The following ASTN1 variants were observed in gnomAD, a reference collection of about 807,000 sequenced individuals.
The protein encoded by ASTN1 is astrotactin-1.
Under a neutral mutation model 140.7 loss-of-function variants are expected in ASTN1, and 41 were observed. The observed-to-expected ratio is 0.29, with a 90% CI of 0.23 to 0.38. ASTN1 has a LOEUF of 0.38. ASTN1 is among the 10% of genes least tolerant of loss of function. The pLI, the probability that ASTN1 is intolerant of heterozygous loss-of-function variation, is 1.00. For missense variants in ASTN1, 1,479 were observed against 1,678.8 expected (o/e 0.88, Z 2.08); for synonymous variants, 640 against 652.2 (o/e 0.98, Z 0.29).
chr1:177,015,065 T>C (rs1675481357), intron 7 of ASTN1, among the ~76,000 whole-genome samples, 190 bp from the exon 8 acceptor site: 4 of 152,112 alleles, frequency 2.6e-5, no homozygotes, highest in Non-Finnish European at 5.9e-5. Context: ...CTCCAACCAA[T>C]CTCTCCCTTC....
chr1:177,141,187 G>A (rs1005693007), intron 1 of ASTN1, among the ~76,000 whole-genome samples: 1 of 152,140 alleles, frequency 6.6e-6, no homozygotes, highest in Non-Finnish European at 1.5e-5. Context: ...TTGCACTCCA[G>A]CCTGGGCAAA....
In ASTN1 at chr1:176,894,599, G is replaced by C. The variant is rs778903906; in HGVS notation, c.2903C>G (p.Pro968Arg). The C allele has an allele frequency of 6.2e-7, 1 of 1,614,064 alleles. No homozygotes were observed. The highest frequency in any genetic ancestry group is 1.1e-5 in the South Asian group (1 of 91,082). Reference protein sequence around the residue: ...PVLLEVTKAAPIYELVTNNQT... With the variant: ...PVLLEVTKAARIYELVTNNQT... ...GTTGTTGGTCACTAGTTCATAGATG[G>C]GGGCTGCTTTGGTCACCTCCAGCAG... The change falls in exon 17 of 23, where the codon CCC becomes CGC. Residue 968 changes from proline (P) to arginine (R), a missense_variant. By Grantham distance (103) the Pro-to-Arg change is moderately radical. Around this residue, in one of 3 missense-constraint regions of ASTN1, gnomAD observed 746 missense variants for 800.9 expected, o/e 0.93. Coordinates refer to ENST00000361833, the MANE Select transcript of ASTN1 (RefSeq NM_004319.3).
chr1:177,117,904 A>T (rs76748240), intron 1 of ASTN1, among the ~76,000 whole-genome samples: 2,300 of 152,328 alleles, frequency 0.015, 20 homozygotes, highest in South Asian at 0.025. Flanking sequence ...GCCCATCAAA[A>T]TGAATCATTT....
chr1:177,107,891 A>G (rs1680626852), intron 1 of ASTN1, among the ~76,000 whole-genome samples: 1 of 152,168 alleles, frequency 6.6e-6, no homozygotes, highest in Admixed American at 6.5e-5. Context: ...AAAAAAGGAG[A>G]ATGGAAAGCA....
At chr1:176,968,708 T>C (rs1162407600) in intron 8 of ASTN1, among the ~76,000 whole-genome samples, 1 of 152,196 alleles carries the variant, frequency 6.6e-6, no homozygotes, top group Non-Finnish European at 1.5e-5. Context: ...AGCAAATATT[T>C]GTGGAGGCCT....
intron 1 of ASTN1, among the ~76,000 whole-genome samples, chr1:177,112,076 C>G (rs1233398748): frequency 6.6e-6 from 1 of 152,190 alleles, no homozygotes; most frequent in African/African-American, 2.4e-5. Flanking sequence ...CTTATCAGAG[C>G]TGAATGGCAA....
chr1:177,041,408 G>C (rs1428630557), intron 2 of ASTN1, among the ~76,000 whole-genome samples: 2 of 152,220 alleles, frequency 1.3e-5, no homozygotes, highest in African/African-American at 4.8e-5. Flanking sequence ...TAGGCTGGAA[G>C]ATAAAAGGGT....
chr1:177,035,180 C>T (rs1425457874), intron 2 of ASTN1, among the ~76,000 whole-genome samples: 2 of 152,170 alleles, frequency 1.3e-5, no homozygotes, highest in Admixed American at 1.3e-4. Context: ...AAATAACTTG[C>T]CCAACGTCAC....
chr1:177,028,386 CA>C (rs1312116022), intron 5 of ASTN1, among the ~76,000 whole-genome samples: 2 of 152,092 alleles, frequency 1.3e-5, no homozygotes, highest in African/African-American at 4.8e-5. Context: ...CCCAGAGCCA[CA>C]ATGATCTCTT....
At chr1:177,136,836 A>G (rs1682226370) in intron 1 of ASTN1, among the ~76,000 whole-genome samples, 1 of 152,162 alleles carries the variant, frequency 6.6e-6, no homozygotes, top group Non-Finnish European at 1.5e-5. Context: ...TTCTATTCAC[A>G]TGGAAATAGA....
intron 1 of ASTN1, among the ~76,000 whole-genome samples, chr1:177,085,157 T>C (rs944499138): frequency 2.6e-5 from 4 of 152,224 alleles, no homozygotes; most frequent in Non-Finnish European, 5.9e-5. Flanking sequence ...CTTGTCTCAC[T>C]TGATTACAGA....
intron 7 of ASTN1, among the ~76,000 whole-genome samples, chr1:177,017,722 T>C (rs1326171201): frequency 6.6e-6 from 1 of 152,134 alleles, no homozygotes; most frequent in Non-Finnish European, 1.5e-5. Flanking sequence ...GGAGCACTCA[T>C]GCAACCACAC....
chr1:176,911,622 T>C (rs1670245096), intron 16 of ASTN1, among the ~76,000 whole-genome samples: 1 of 152,162 alleles, frequency 6.6e-6, no homozygotes, highest in African/African-American at 2.4e-5. Flanking sequence ...CACCTCCATA[T>C]CTTGTCCCAC....
chr1:176,889,977 A>G (rs1052391276), intron 17 of ASTN1, among the ~76,000 whole-genome samples: 1 of 152,226 alleles, frequency 6.6e-6, no homozygotes, highest in African/African-American at 2.4e-5. Context: ...CTAGGAAAAC[A>G]GATGTCCTTT....
chr1:177,014,269 CAA>C (rs1215684701), intron 8 of ASTN1, among the ~76,000 whole-genome samples: 1 of 152,090 alleles, frequency 6.6e-6, no homozygotes, highest in Non-Finnish European at 1.5e-5. Context: ...TAGGGGAAAA[CAA>C]AAGTCTCATT....
At chr1:177,125,996 T>C (rs926679404) in intron 1 of ASTN1, among the ~76,000 whole-genome samples, 1 of 152,250 alleles carries the variant, frequency 6.6e-6, no homozygotes, top group African/African-American at 2.4e-5. Flanking sequence ...AACAAATCTA[T>C]ATCCATTTAA....
chr1:177,054,226 G>A (rs1377366403), intron 2 of ASTN1, among the ~76,000 whole-genome samples: 1 of 152,096 alleles, frequency 6.6e-6, no homozygotes, highest in Non-Finnish European at 1.5e-5. Context: ...TGCAAAATGA[G>A]TAATAACAAA....
intron 1 of ASTN1, among the ~76,000 whole-genome samples, chr1:177,084,472 A>G (rs1441761824): frequency 6.6e-6 from 1 of 152,096 alleles, no homozygotes; most frequent in African/African-American, 2.4e-5. Flanking sequence ...ACTCAAACCT[A>G]TTATCCCAAT....
chr1:177,105,764 G>C (rs1208081883), intron 1 of ASTN1, among the ~76,000 whole-genome samples: 1 of 152,088 alleles, frequency 6.6e-6, no homozygotes, highest in African/African-American at 2.4e-5. Context: ...TTCCACTTAT[G>C]AACACCTTTA....
Sources: gnomAD v4.1 joint callset for allele counts (sites outside exome capture counted in the v4.1 genomes callset) on GRCh38, gnomAD v4.1.1 for gene constraint, gnomAD v4.1.1 regional missense constraint, MANE v1.5 for transcripts, NCBI Gene and HGNC (gene_info 2026-07-23, HGNC 2026-07-21) for gene names.